The following PDE7B variants were observed in gnomAD, a reference collection of about 807,000 sequenced individuals.
The protein encoded by PDE7B is 3',5'-cyclic-AMP phosphodiesterase 7B.
Under a neutral mutation model 56.2 loss-of-function variants are expected in PDE7B, and 29 were observed. That is an observed-to-expected ratio of 0.52 (90% CI 0.38 to 0.70). PDE7B has a LOEUF of 0.70. Ranked by LOEUF, PDE7B falls within the 30% of genes least tolerant of loss-of-function variation. The probability of loss-of-function intolerance (pLI) is 0.00; values close to 1 mark genes in which losing one functional copy is unlikely to be tolerated. For missense variants in PDE7B, 490 were observed against 565.0 expected (o/e 0.87, Z 1.35); for synonymous variants, 197 against 196.9 (o/e 1.00, Z 0.00).
chr6:136,034,463 T>TA (rs925615524), intron 2 of PDE7B: 20 of 152,352 alleles, frequency 1.3e-4, no homozygotes, highest in African/African-American at 4.3e-4. Context: ...TAGTTTTTAT[T>TA]AAAAAGAAGA....
At chr6:136,172,367 T>A (rs1778902285) in intron 8 of PDE7B, among the ~76,000 whole-genome samples, 1 of 152,226 alleles carries the variant, frequency 6.6e-6, no homozygotes, top group South Asian at 2.1e-4. Context: ...GTGGTTTTGA[T>A]TTGCATTTCT....
chr6:136,073,648 A>G (rs897415671), intron 2 of PDE7B, among the ~76,000 whole-genome samples: 3 of 152,170 alleles, frequency 2.0e-5, no homozygotes, highest in African/African-American at 4.8e-5. Flanking sequence ...GCCTTTTAAA[A>G]GACCCCATCT....
chr6:135,874,155 T>C (rs73556511), intron 1 of PDE7B, among the ~76,000 whole-genome samples: 7 of 152,140 alleles, frequency 4.6e-5, no homozygotes, highest in Admixed American at 4.6e-4. Context: ...ACCATGCAGA[T>C]ACCTGGGGAA....
In PDE7B at chr6:136,005,683, A is replaced by G. The variant is rs531968231; in HGVS notation, c.82+58159A>G. ...CTGTCTCACACCAGTTAGAATGGCAATCATTAAAAAGTCAGGAAACAACAG... is the reference window on the plus strand; with the variant it reads ...CTGTCTCACACCAGTTAGAATGGCAGTCATTAAAAAGTCAGGAAACAACAG... On this transcript the variant is annotated intron_variant, in intron 2 of 12. Transcript: ENST00000308191. Among the ~76,000 whole-genome samples the G allele has an allele frequency of 1.6e-4, 25 of 152,332 alleles. No homozygotes were observed. The East Asian group carries it at 1.7e-3, about 11-fold the overall frequency.
intron 1 of PDE7B, among the ~76,000 whole-genome samples, chr6:135,936,953 A>G (rs1316046752): frequency 2.6e-5 from 4 of 152,224 alleles, no homozygotes; most frequent in Non-Finnish European, 4.4e-5. Context: ...AAAGAAATCT[A>G]TCTGATTGTG....
At chr6:136,033,788 G>A (rs539639781) in intron 2 of PDE7B, among the ~76,000 whole-genome samples, 20 of 152,230 alleles carry the variant, frequency 1.3e-4, no homozygotes, top group Non-Finnish European at 1.6e-4. Context: ...TACTTGGACT[G>A]TATAGAACCA....
intron 9 of PDE7B, among the ~76,000 whole-genome samples, chr6:136,178,158 A>G (rs1779009293): frequency 6.6e-6 from 1 of 152,224 alleles, no homozygotes; most frequent in Non-Finnish European, 1.5e-5. Flanking sequence ...GGTTACTTCC[A>G]GGCTTGAAAG....
chr6:135,860,915 C>T (rs1286939608), intron 1 of PDE7B, among the ~76,000 whole-genome samples: 3 of 151,562 alleles, frequency 2.0e-5, no homozygotes, highest in Admixed American at 6.6e-5. Flanking sequence ...AATTATGCAC[C>T]ATTGAACCCC....
chr6:135,872,654 G>A (rs1433394612), intron 1 of PDE7B, among the ~76,000 whole-genome samples: 1 of 152,080 alleles, frequency 6.6e-6, no homozygotes, highest in African/African-American at 2.4e-5. Flanking sequence ...GTCTCACAAG[G>A]TGAACTCATT....
At chr6:135,980,208 T>C (rs1343761408) in intron 2 of PDE7B, among the ~76,000 whole-genome samples, 1 of 152,156 alleles carries the variant, frequency 6.6e-6, no homozygotes, top group Non-Finnish European at 1.5e-5. Context: ...CCCTATTTAA[T>C]AAATGGTGCT....
chr6:136,061,671 A>C (rs1344398039), intron 2 of PDE7B, among the ~76,000 whole-genome samples: 1 of 152,212 alleles, frequency 6.6e-6, no homozygotes, highest in Non-Finnish European at 1.5e-5. Flanking sequence ...GAAGCCATCA[A>C]ACCCATTCGT....
chr6:136,034,000 A>G (rs1008992877), intron 2 of PDE7B: 1 of 152,188 alleles, frequency 6.6e-6, no homozygotes, highest in Non-Finnish European at 1.5e-5. Context: ...AAGATAGGCC[A>G]CAGATAAGGG....
At chr6:136,009,276 C>T (rs1775845117) in intron 2 of PDE7B, among the ~76,000 whole-genome samples, 1 of 151,884 alleles carries the variant, frequency 6.6e-6, no homozygotes, top group Non-Finnish European at 1.5e-5. Context: ...CATGATGCCT[C>T]CAGCTTTGTT....
intron 2 of PDE7B, among the ~76,000 whole-genome samples, chr6:136,107,185 G>T (rs960474028): frequency 6.6e-6 from 1 of 152,122 alleles, no homozygotes; most frequent in Non-Finnish European, 1.5e-5. Flanking sequence ...ATCTCACCCA[G>T]GCCCTGAGTT....
chr6:135,878,008 AGGTTTCCAGAGTTCTG>A (rs1002833186), intron 1 of PDE7B, among the ~76,000 whole-genome samples: 6 of 152,188 alleles, frequency 3.9e-5, no homozygotes, highest in African/African-American at 1.4e-4. Flanking sequence ...CAATTAGAGC[AGGTTTCCAGAGTTCTG>A]GGGAAAGGAA....
intron 1 of PDE7B, among the ~76,000 whole-genome samples, chr6:135,933,123 G>A (rs1028524707): frequency 6.6e-6 from 1 of 152,204 alleles, no homozygotes; most frequent in Non-Finnish European, 1.5e-5. Flanking sequence ...ATACAGTGGA[G>A]TTGGGATTCA....
Position 136,108,830 on chromosome 6 carries a change from T to G in PDE7B, c.166+16T>G. On this transcript the variant is annotated intron_variant, in intron 3 of 12. Coordinates refer to ENST00000308191, the MANE Select transcript of PDE7B (RefSeq NM_018945.4). ...CTACTTAACAGTGAGTAATCAAGTGTACCTGGAAAGGAACAAACGTTTTCT... is the reference window on the plus strand; with the variant it reads ...CTACTTAACAGTGAGTAATCAAGTGGACCTGGAAAGGAACAAACGTTTTCT... 1 of 1,462,086 alleles carries G rather than the reference T, an allele frequency of 6.8e-7. No individual in the cohort carries two copies. The highest frequency in any genetic ancestry group is 9.6e-7 in the Non-Finnish European group (1 of 1,041,138). The allele number at this position is 1,462,086 out of a possible 1,614,324, so 90.6% of individuals were successfully genotyped here. A position where few individuals can be genotyped will look rare whatever the true frequency, so the allele number is the denominator to read the frequency against.
chr6:135,874,033 G>A (rs934523270), intron 1 of PDE7B, among the ~76,000 whole-genome samples: 7 of 152,238 alleles, frequency 4.6e-5, no homozygotes, highest in African/African-American at 1.7e-4. Flanking sequence ...AAAAAGAAGA[G>A]CAGAGAAAAT....
intron 1 of PDE7B, among the ~76,000 whole-genome samples, chr6:135,929,853 G>A (rs1044627011): frequency 1.3e-5 from 2 of 152,114 alleles, no homozygotes; most frequent in Non-Finnish European, 2.9e-5. Context: ...GCAGATAAGG[G>A]GAAGCTCCTA....
Sources: allele counts gnomAD v4.1 joint callset (sites outside exome capture counted in the v4.1 genomes callset), GRCh38; gene constraint gnomAD v4.1.1; transcripts MANE v1.5; gene names NCBI Gene and HGNC (gene_info 2026-07-23, HGNC 2026-07-21).